Variants in PLEKHG5 observed in about 807,000 individuals in gnomAD.
PLEKHG5 encodes the protein pleckstrin homology domain-containing family G member 5.
A neutral mutation model predicts 103.8 loss-of-function variants in PLEKHG5; 52 were observed. The ratio of observed to expected loss-of-function variants is 0.50; its 90% CI spans 0.40 to 0.63. The LOEUF is 0.63. Among genes scored for constraint, PLEKHG5 ranks in the 30% least tolerant of loss-of-function variants. The pLI is 0.00. For missense variants in PLEKHG5, 1,205 were observed against 1,347.6 expected (o/e 0.89, Z 1.66); for synonymous variants, 592 against 575.5 (o/e 1.03, Z -0.41).
In PLEKHG5 at chr1:6,472,637, G is replaced by A; in HGVS notation, c.985-15C>T. ...CGGGTCAGCTTCTAGAGGGAGGGCA[G>A]GATGGGTCATTCACGAGGCCTGGAG... On this transcript the variant is annotated splice_polypyrimidine_tract_variant and intron_variant, in intron 9 of 20. Transcript: ENST00000377728. The A allele has an allele frequency of 6.3e-7, 1 of 1,596,780 alleles. No homozygotes were observed. Among genetic ancestry groups the A allele is most frequent in the East Asian group, 2.2e-5 (1 of 44,572 alleles).
chr1:6,467,749 C>G (rs933487710), intron 20 of PLEKHG5, 76 bp downstream of exon 20: 1 of 1,561,386 alleles, frequency 6.4e-7, no homozygotes, highest in Non-Finnish European at 8.8e-7. Flanking sequence ...TCCCCAAATG[C>G]GATGCTCCCA....
rs572688697 is a variant in PLEKHG5 at position 6,470,460 on chromosome 1, C to A, written c.1680+46G>T. 1.3e-4 allele frequency: 207 copies of A among 1,611,128 alleles called. 1 individual carries two copies. The South Asian group carries it at 1.9e-3, about 15-fold the overall frequency. On this transcript the variant is annotated intron_variant, in intron 15 of 20. Coordinates refer to ENST00000377728, the MANE Select transcript of PLEKHG5 (RefSeq NM_020631.6). ...GCACAGCCCCTGCCTGCCAGCTGGG[C>A]CTTCCTCTCTCCCAGCCGGCAACCC...
chr1:6,475,998 G>A lies in PLEKHG5; in HGVS notation c.82C>T (p.Pro28Ser), dbSNP rs373539850. The A allele has an allele frequency of 2.3e-5, 37 of 1,613,608 alleles. No homozygotes were observed. Among genetic ancestry groups the A allele is most frequent in the Non-Finnish European group, 2.9e-5 (34 of 1,180,040 alleles). The change falls in exon 3 of 21, where the codon CCG becomes TCG. Residue 28 changes from proline (P) to serine (S), a missense_variant. Pro to Ser is a moderately conservative substitution (Grantham distance 74, BLOSUM62 -1). Transcript: ENST00000377728. The stretch of plus-strand genomic sequence containing the variant: ...TCCACTGCGGGGCTGGTGCGCGGCG[G>A]GCATGACCGGGTGGACACGTTCCGG... ...LARNVSTRSC[P>S]PRTSPAVDLE...
At chr1:6,485,213 G>T (rs1274283058) in intron 1 of PLEKHG5, 1 of 700,400 alleles carries the variant, frequency 1.4e-6, no homozygotes, top group Non-Finnish European at 2.0e-6. Flanking sequence ...CCTGGGGGCC[G>T]CGGGGCCCAT....
In PLEKHG5 at chr1:6,486,013, CT is replaced by C. The variant is rs1645029750; in HGVS notation, c.-88+5623del. On this transcript the variant is annotated intron_variant, in intron 1 of 20. Coordinates refer to ENST00000377728, the MANE Select transcript of PLEKHG5 (RefSeq NM_020631.6). This position sits in a 1 kb window ranked among gnomAD's most constrained non-coding sequence, Gnocchi z 5.3. ...CCTTGGAGACTGTGGAGCCCCTCCC[CT>C]GGGTGACTCGATCCCCGCCCAGCCC... 1.8e-6 allele frequency: 1 copy of C among 569,504 alleles called. No individual in the cohort carries two copies. The highest frequency in any genetic ancestry group is 2.2e-6 in the Non-Finnish European group (1 of 450,610). The allele number at this position is 569,504 out of a possible 1,614,324, so 35.3% of individuals were successfully genotyped here. A position where few individuals can be genotyped will look rare whatever the true frequency, so the allele number is the denominator to read the frequency against.
chr1:6,511,895 G>A (rs1355696621), intron 1 of PLEKHG5, among the ~76,000 whole-genome samples: 1 of 152,228 alleles, frequency 6.6e-6, no homozygotes, highest in East Asian at 1.9e-4. Context: ...GAGGCCCTTG[G>A]AAGCCGGGGA....
chr1:6,475,251 TCCCACCCTCCTTCCCAACCCTCCTC>T (rs1644730795), intron 4 of PLEKHG5, 113 bp from the exon 5 acceptor site: 15 of 393,076 alleles, frequency 3.8e-5, no homozygotes, highest in East Asian at 1.4e-4. Context: ...CCACCCTCCT[TCCCACCCTCCTTCCCAACCCTCCTC>T]CCCACCCTCC....
At position 6,475,576 on chromosome 1, in the gene PLEKHG5, G is replaced by A. The variant is rs369418325; in HGVS notation, c.150-54C>T. The A allele has an allele frequency of 1.6e-4, 236 of 1,510,064 alleles. 1 individual carries two copies. Among genetic ancestry groups the A allele is most frequent in the Non-Finnish European group, 2.0e-4 (214 of 1,090,126 alleles). 93.5% of individuals were successfully genotyped at this position (1,510,064 alleles called of 1,614,324 possible). On this transcript the variant is annotated intron_variant, in intron 3 of 20. Coordinates refer to ENST00000377728, the MANE Select transcript of PLEKHG5 (RefSeq NM_020631.6). ...GGAGGTGTGGGTGGCCCTCGCCAGCGTGGGCGGCGAGTGGGCCTGTGGCCT... is the reference window on the plus strand; with the variant it reads ...GGAGGTGTGGGTGGCCCTCGCCAGCATGGGCGGCGAGTGGGCCTGTGGCCT...
At chr1:6,477,702 C>T (rs1569898281) in intron 1 of PLEKHG5, 44 bp from the exon 2 acceptor site, 2 of 1,587,572 alleles carry the variant, frequency 1.3e-6, no homozygotes, top group Non-Finnish European at 1.7e-6. Context: ...CGAGATCCAC[C>T]ACATCCCTCG....
Position 6,490,054 on chromosome 1 carries a change from C to T in PLEKHG5, c.-88+1583G>A, listed in dbSNP as rs1262172512. ...CGCAGCCTCTGGCGCCCCCTGCCGGCCTCGAGAGGGCTTTTCCGCCTGGGA... is the reference window on the plus strand; with the variant it reads ...CGCAGCCTCTGGCGCCCCCTGCCGGTCTCGAGAGGGCTTTTCCGCCTGGGA... On this transcript the variant is annotated intron_variant, in intron 1 of 20. Transcript: ENST00000377728. The surrounding 1 kb of genome is among the most constrained non-coding windows in gnomAD (Gnocchi z 8.0). Among the ~76,000 whole-genome samples the T allele has an allele frequency of 6.6e-6, 1 of 152,158 alleles. No homozygotes were observed. The highest frequency in any genetic ancestry group is 1.9e-4 in the East Asian group (1 of 5,170).
At position 6,470,755 on chromosome 1, in the gene PLEKHG5, T is replaced by C; in HGVS notation, c.1522A>G (p.Lys508Glu). ...GTTACCATGGCGACGACGGCCTCCT[T>C]GGCGCGCGGCTCCTCGGTCTTCCTC... ...VLRKTEEPRA[K>E]EAVVAMIGSV... The change falls in exon 14 of 21, where the codon AAG becomes GAG. Residue 508 changes from lysine to glutamate, a missense_variant. By Grantham distance (56) the Lys-to-Glu change is moderately conservative. Transcript: ENST00000377728. 6.4e-7 allele frequency: 1 copy of C among 1,562,188 alleles called. No individual in the cohort carries two copies. The highest frequency in any genetic ancestry group is 1.2e-5 in the South Asian group (1 of 85,384).
At chr1:6,498,598 C>T (rs945606943), upstream of PLEKHG5, among the ~76,000 whole-genome samples, 1 of 152,234 alleles carries the variant, frequency 6.6e-6, no homozygotes, top group African/African-American at 2.4e-5. Flanking sequence ...CAGGGTAGCC[C>T]TTTGGGGGGC....
chr1:6,499,851 G>A (rs902095854), upstream of PLEKHG5, among the ~76,000 whole-genome samples: 23 of 152,228 alleles, frequency 1.5e-4, no homozygotes, highest in African/African-American at 5.1e-4. Flanking sequence ...CCAGGCTGGA[G>A]TGCAGTGTTG....
chr1:6,506,859 A>T (rs1390605287), intron 1 of PLEKHG5, among the ~76,000 whole-genome samples: 1 of 152,184 alleles, frequency 6.6e-6, no homozygotes, highest in Non-Finnish European at 1.5e-5. Flanking sequence ...ACACTTCACC[A>T]GGCTGCCTCC....
chr1:6,485,316 C>T (rs1645002364), intron 1 of PLEKHG5: 3 of 1,409,700 alleles, frequency 2.1e-6, no homozygotes, highest in Non-Finnish European at 2.8e-6. Flanking sequence ...CCCGTCCCGG[C>T]CCCGTACCTG....
chr1:6,509,672 G>T (rs12042691), intron 1 of PLEKHG5, among the ~76,000 whole-genome samples: 1 of 152,004 alleles, frequency 6.6e-6, no homozygotes, highest in Non-Finnish European at 1.5e-5. Context: ...CACTGCAGGG[G>T]TTTTCTGAGG....
In PLEKHG5 at chr1:6,490,014, T is replaced by C. The variant is rs1450249114; in HGVS notation, c.-88+1623A>G. 6.6e-6 allele frequency among the ~76,000 whole-genome samples: 1 copy of C among 152,140 alleles called. No homozygotes were observed. Among genetic ancestry groups the C allele is most frequent in the Non-Finnish European group, 1.5e-5 (1 of 68,018 alleles). On this transcript the variant is annotated intron_variant, in intron 1 of 20. Transcript: ENST00000377728. The surrounding 1 kb of genome is among the most constrained non-coding windows in gnomAD (Gnocchi z 8.0). The stretch of plus-strand genomic sequence containing the variant: ...CCCCTAAGTGGGTGCCTGGGTCTGC[T>C]CAGACTGCCCGAGGCGCAGCCTCTG...
chr1:6,514,581 T>G (rs1638563933), intron 1 of PLEKHG5, among the ~76,000 whole-genome samples: 1 of 150,526 alleles, frequency 6.6e-6, no homozygotes, highest in Admixed American at 6.6e-5. Flanking sequence ...GCCAACATGG[T>G]GAAACCTTGT....
chr1:6,499,584 G>A (rs1388271442), upstream of PLEKHG5, among the ~76,000 whole-genome samples: 1 of 152,142 alleles, frequency 6.6e-6, no homozygotes, highest in African/African-American at 2.4e-5. Flanking sequence ...AATCCATCAG[G>A]ACCCTGGTAG....
Sources: allele counts gnomAD v4.1 joint callset (sites outside exome capture counted in the v4.1 genomes callset), GRCh38; gene constraint gnomAD v4.1.1; non-coding constraint Gnocchi (gnomAD v3.1); transcripts MANE v1.5; gene names NCBI Gene and HGNC (gene_info 2026-07-23, HGNC 2026-07-21).